The following SCAMP1 variants were observed in gnomAD, a reference collection of about 807,000 sequenced individuals.
The protein encoded by SCAMP1 is secretory carrier membrane protein 1.
In SCAMP1, 15 loss-of-function variants were observed where a neutral mutation model predicts 41.8. The observed-to-expected ratio is 0.36, with a 90% CI of 0.24 to 0.55. The LOEUF is 0.55. SCAMP1 is among the 20% of genes least tolerant of loss of function. SCAMP1 has a pLI of 0.86. For missense variants in SCAMP1, 341 were observed against 412.6 expected (o/e 0.83, Z 1.50); for synonymous variants, 135 against 136.8 (o/e 0.99, Z 0.09).
intron 8 of SCAMP1, among the ~76,000 whole-genome samples, chr5:78,467,334 A>G (rs78214046): frequency 0.045 from 6,893 of 152,276 alleles, 237 homozygotes; most frequent in African/African-American, 0.094. Flanking sequence ...CAGATGATCA[A>G]TAGAGCCAGG....
At chr5:78,450,343 A>G (rs1753189218) in intron 7 of SCAMP1, among the ~76,000 whole-genome samples, 1 of 152,136 alleles carries the variant, frequency 6.6e-6, no homozygotes, top group Admixed American at 6.6e-5. Context: ...GGACCAAGGA[A>G]TGTGGAAGGG....
chr5:78,425,490 A>G (rs1289065569), intron 6 of SCAMP1, among the ~76,000 whole-genome samples: 2 of 152,190 alleles, frequency 1.3e-5, no homozygotes, highest in Non-Finnish European at 2.9e-5. Flanking sequence ...TTTAGCTTGT[A>G]GAGAATATTT....
intron 2 of SCAMP1, among the ~76,000 whole-genome samples, chr5:78,401,583 T>C (rs142664915): frequency 5.8e-4 from 89 of 152,266 alleles, no homozygotes; most frequent in African/African-American, 1.9e-3. Flanking sequence ...GAGGCATTGG[T>C]CCATTTCTTG....
intron 6 of SCAMP1, among the ~76,000 whole-genome samples, chr5:78,438,392 C>G (rs988040255): frequency 3.9e-5 from 6 of 152,088 alleles, no homozygotes; most frequent in Non-Finnish European, 1.5e-5. Flanking sequence ...TAAATGTGTC[C>G]TAGGGATTCT....
chr5:78,418,847 T>C lies in SCAMP1; in HGVS notation c.416T>C (p.Val139Ala), dbSNP rs904513207. 5.7e-6 allele frequency: 9 copies of C among 1,581,178 alleles called. No homozygotes were observed. The African/African-American group carries it at 6.7e-5, about 12-fold the overall frequency. ...VGPCFYQDFS[V>A]DIPVEFQKTV... is the part of the protein sequence containing the mutation. ...CCTTGTTTCTATCAGGATTTTTCTG[T>C]AGACATTCCTGTAGAATTCCAAAAG... Residue 139 changes from valine (V) to alanine (A), a missense_variant, in exon 5 of 9, where the codon GTA becomes GCA. Coordinates refer to ENST00000621999, the MANE Select transcript of SCAMP1 (RefSeq NM_004866.6).
At chr5:78,410,205 G>A (rs1250521430) in intron 2 of SCAMP1, among the ~76,000 whole-genome samples, 2 of 151,624 alleles carry the variant, frequency 1.3e-5, no homozygotes, top group East Asian at 1.9e-4. Flanking sequence ...TGCCATGGTG[G>A]TTTGTTGCAC....
At chr5:78,456,299 G>T (rs574986488) in intron 7 of SCAMP1, among the ~76,000 whole-genome samples, 145 of 150,898 alleles carry the variant, frequency 9.6e-4, no homozygotes, top group African/African-American at 3.3e-3. Context: ...TTACATTTTG[G>T]CATGATTTTG....
chr5:78,364,051 A>C (rs1382873201), intron 1 of SCAMP1, among the ~76,000 whole-genome samples: 2 of 152,266 alleles, frequency 1.3e-5, no homozygotes, highest in East Asian at 3.8e-4. Context: ...TATAGTCAAC[A>C]TGTAATTATT....
intron 2 of SCAMP1, among the ~76,000 whole-genome samples, chr5:78,394,438 G>A (rs974569421): frequency 3.9e-5 from 6 of 152,090 alleles, no homozygotes; most frequent in African/African-American, 1.2e-4. Flanking sequence ...GCCCAGGCTG[G>A]TCTCAAACTC....
chr5:78,461,523 G>T (rs994022479), intron 8 of SCAMP1, among the ~76,000 whole-genome samples: 1 of 152,146 alleles, frequency 6.6e-6, no homozygotes, highest in South Asian at 2.1e-4. Flanking sequence ...TGTTCGATTG[G>T]TCTGTTTTTG....
At chr5:78,412,338 TAG>T (rs1752100097) in intron 2 of SCAMP1, among the ~76,000 whole-genome samples, 1 of 152,058 alleles carries the variant, frequency 6.6e-6, no homozygotes, top group Admixed American at 6.5e-5. Flanking sequence ...CTATAGTCTA[TAG>T]AGTGTATTTT....
chr5:78,373,715 T>TA (rs770984342), intron 1 of SCAMP1, among the ~76,000 whole-genome samples: 8 of 152,170 alleles, frequency 5.3e-5, no homozygotes, highest in Non-Finnish European at 7.4e-5. Flanking sequence ...TACTACAAAA[T>TA]AGAGTGTGAA....
chr5:78,456,504 A>G (rs960839832), intron 7 of SCAMP1, among the ~76,000 whole-genome samples: 2 of 151,456 alleles, frequency 1.3e-5, no homozygotes, highest in Admixed American at 6.6e-5. Flanking sequence ...AGAATGTTGA[A>G]TATTGGCCCC....
chr5:78,366,551 A>G (rs11746911), intron 1 of SCAMP1, among the ~76,000 whole-genome samples: 42,995 of 152,120 alleles, frequency 0.28, 6,395 homozygotes, highest in East Asian at 0.54. Flanking sequence ...CACGTTGGTG[A>G]TAGGTTTCAG....
At chr5:78,391,450 G>A (rs1177885141) in intron 2 of SCAMP1, among the ~76,000 whole-genome samples, 1 of 151,780 alleles carries the variant, frequency 6.6e-6, no homozygotes, top group Admixed American at 6.6e-5. Flanking sequence ...GGCTGGCCTG[G>A]CGGGGGCTGA....
At chr5:78,466,906 G>A (rs540574057) in intron 8 of SCAMP1, among the ~76,000 whole-genome samples, 3 of 152,244 alleles carry the variant, frequency 2.0e-5, no homozygotes, top group South Asian at 4.2e-4. Context: ...AAGAGAAAAC[G>A]AGCAGGTAAG....
At chr5:78,381,808 G>C (rs4235709) in intron 1 of SCAMP1, among the ~76,000 whole-genome samples, 144,004 of 152,302 alleles carry the variant, frequency 0.95, 68,282 homozygotes, top group Non-Finnish European at 0.97. Flanking sequence ...GGAGAAAGAT[G>C]TTTCTCATAT....
chr5:78,473,719 CAT>C (rs1452053742), intron 8 of SCAMP1, among the ~76,000 whole-genome samples: 1 of 152,084 alleles, frequency 6.6e-6, no homozygotes, highest in Non-Finnish European at 1.5e-5. Context: ...AAAGTGAGAA[CAT>C]GTGATATTTG....
chr5:78,466,953 T>TAA (rs1253587102), intron 8 of SCAMP1, among the ~76,000 whole-genome samples: 3 of 152,066 alleles, frequency 2.0e-5, no homozygotes, highest in Non-Finnish European at 4.4e-5. Flanking sequence ...GGGGACAAGA[T>TAA]AAGACTCAAG....
Sources: allele counts gnomAD v4.1 joint callset (sites outside exome capture counted in the v4.1 genomes callset), GRCh38; gene constraint gnomAD v4.1.1; transcripts MANE v1.5; gene names NCBI Gene and HGNC (gene_info 2026-07-23, HGNC 2026-07-21).